Variants in AHI1 observed in about 807,000 individuals in gnomAD.
AHI1 encodes jouberin.
A neutral mutation model predicts 149.3 loss-of-function variants in AHI1; 123 were observed. The observed-to-expected ratio is 0.82, with a 90% CI of 0.71 to 0.96. The LOEUF is 0.96. AHI1 is among the 40% of genes least tolerant of loss of function. AHI1 has a pLI of 0.00. For missense variants in AHI1, 1,439 were observed against 1,422.7 expected, an observed-to-expected ratio of 1.01 and a Z score of -0.18; for synonymous variants, 475 against 459.8, an observed-to-expected ratio of 1.03 and a Z score of -0.42.
At chr6:135,489,645 A>AATCTGTCC (rs1214193213) in intron 5 of AHI1, among the ~76,000 whole-genome samples, 1 of 152,152 alleles carries the variant, frequency 6.6e-6, no homozygotes, top group African/African-American at 2.4e-5. Flanking sequence ...TGGGAGTGCT[A>AATCTGTCC]ATCTGTCCAT....
chr6:135,289,175 T>G (rs981736453), intron 28 of AHI1, among the ~76,000 whole-genome samples: 7 of 150,948 alleles, frequency 4.6e-5, no homozygotes, highest in African/African-American at 1.7e-4. Flanking sequence ...TTGAAAAAGC[T>G]CCTCTTAGAG....
rs574893403 is a variant in AHI1 at position 135,287,320 on chromosome 6, A to G, written c.3589-1673T>C. ...CTCGAAAAATCTAAAGTAGGCAGCA[A>G]AGATAACATCTTTGAGGGAAATGAT... On this transcript the variant is annotated intron_variant, in intron 28 of 28. Coordinates refer to ENST00000265602, the MANE Select transcript of AHI1 (RefSeq NM_001134831.2). Among the ~76,000 whole-genome samples, 5 of 152,238 alleles carry G rather than the reference A, an allele frequency of 3.3e-5. No homozygotes were observed. The East Asian group carries it at 7.7e-4, about 23-fold the overall frequency.
intron 24 of AHI1, among the ~76,000 whole-genome samples, chr6:135,348,964 A>T (rs1333289499): frequency 6.6e-6 from 1 of 152,168 alleles, no homozygotes; most frequent in African/African-American, 2.4e-5. Flanking sequence ...CAAATATATA[A>T]ATAATGAGAA....
chr6:135,371,932 C>T (rs1213098735), intron 23 of AHI1, among the ~76,000 whole-genome samples: 1 of 152,124 alleles, frequency 6.6e-6, no homozygotes, highest in Non-Finnish European at 1.5e-5. Context: ...GGCTTTCAGC[C>T]AGCAGAAGCT....
chr6:135,321,705 C>T (rs1165910734), intron 25 of AHI1, among the ~76,000 whole-genome samples: 2 of 152,078 alleles, frequency 1.3e-5, no homozygotes, highest in South Asian at 2.1e-4. Context: ...AGCCTGAAAA[C>T]CAATTATTAT....
intron 4 of AHI1, among the ~76,000 whole-genome samples, 173 bp downstream of exon 4, chr6:135,492,055 A>C (rs1795325841): frequency 6.6e-6 from 1 of 152,210 alleles, no homozygotes; most frequent in Non-Finnish European, 1.5e-5. Context: ...CTTAATCACA[A>C]TATTAAATAG....
chr6:135,427,732 AT>A (rs376782266), intron 19 of AHI1, among the ~76,000 whole-genome samples: 2,893 of 148,498 alleles, frequency 0.019, 103 homozygotes, highest in African/African-American at 0.067. Context: ...TAACTTTTCC[AT>A]TTTTTTTTTC....
chr6:135,471,792 C>T (rs1791740516), intron 5 of AHI1, among the ~76,000 whole-genome samples: 1 of 150,964 alleles, frequency 6.6e-6, no homozygotes, highest in African/African-American at 2.4e-5. Context: ...GCGGGTGGAT[C>T]ATGAGGTCAG....
chr6:135,341,532 T>C (rs1456265730), intron 24 of AHI1, among the ~76,000 whole-genome samples: 1 of 152,046 alleles, frequency 6.6e-6, no homozygotes, highest in Non-Finnish European at 1.5e-5. Flanking sequence ...AGAATACATA[T>C]TCTTGTCCAC....
chr6:135,416,353 C>A (rs1261633091), intron 20 of AHI1, among the ~76,000 whole-genome samples: 3 of 147,974 alleles, frequency 2.0e-5, no homozygotes, highest in Non-Finnish European at 4.5e-5. Flanking sequence ...AATAAAAATG[C>A]AAATTAGAAA....
At chr6:135,310,931 CAG>C (rs1785112903) in intron 26 of AHI1, among the ~76,000 whole-genome samples, 1 of 151,708 alleles carries the variant, frequency 6.6e-6, no homozygotes, top group African/African-American at 2.4e-5. Flanking sequence ...ATTAAAAAAA[CAG>C]ATTTTAGGAA....
Position 135,318,588 on chromosome 6 carries a change from T to C in AHI1, c.3357A>G (p.Ile1119Met). 6.2e-7 allele frequency: 1 copy of C among 1,605,420 alleles called. No individual in the cohort carries two copies. The highest frequency in any genetic ancestry group is 1.3e-5 in the African/African-American group (1 of 74,960). Residue 1119 changes from isoleucine (I) to methionine (M), a missense_variant, in exon 26 of 29, where the codon ATA becomes ATG. Transcript: ENST00000265602. ...ETLYQELPPE[I>M]KERSPPLSPE... ...GGCTTAAAGGAGGGGATCGCTCCTT[T>C]ATCTCAGGAGGCAGTTCTTGATACA...
intron 9 of AHI1, 147 bp downstream of exon 9, chr6:135,457,347 A>T: frequency 1.6e-6 from 1 of 617,966 alleles, no homozygotes; most frequent in East Asian, 2.8e-5. Context: ...ATCAATGTTA[A>T]TGACTGATGA....
At chr6:135,343,383 T>C (rs953359684) in intron 24 of AHI1, among the ~76,000 whole-genome samples, 1 of 151,910 alleles carries the variant, frequency 6.6e-6, no homozygotes, top group Non-Finnish European at 1.5e-5. Context: ...TTGCAAAGGC[T>C]GAGAAGGTGA....
At chr6:135,473,952 AC>A (rs1434769490) in intron 5 of AHI1, among the ~76,000 whole-genome samples, 1 of 152,142 alleles carries the variant, frequency 6.6e-6, no homozygotes, top group Non-Finnish European at 1.5e-5. Flanking sequence ...TAGAAACCAT[AC>A]TTCCAAGTAT....
At chr6:135,490,428 T>C in intron 5 of AHI1, 195 bp downstream of exon 5, 1 of 688,584 alleles carries the variant, frequency 1.5e-6, no homozygotes, top group Non-Finnish European at 2.5e-6. Flanking sequence ...AGGACAGCAC[T>C]CAAGAATGAA....
chr6:135,497,097 T>C (rs1796072833), intron 2 of AHI1, 91 bp downstream of exon 2: 1 of 152,236 alleles, frequency 6.6e-6, no homozygotes, highest in Non-Finnish European at 1.5e-5. Context: ...TAAGGATTCT[T>C]AAATGGTCTA....
intron 20 of AHI1, among the ~76,000 whole-genome samples, chr6:135,413,701 G>A: frequency 6.7e-6 from 1 of 150,140 alleles, no homozygotes. Flanking sequence ...TCATCTATAT[G>A]TCTATATACA....
intron 26 of AHI1, chr6:135,301,362 C>T (rs1783862360): frequency 1.0e-6 from 1 of 975,650 alleles, no homozygotes; most frequent in South Asian, 4.8e-5. Flanking sequence ...TTTCAGTAAT[C>T]CAGAAAACAT....
Sources: allele counts gnomAD v4.1 joint callset (sites outside exome capture counted in the v4.1 genomes callset), GRCh38; gene constraint gnomAD v4.1.1; transcripts MANE v1.5; gene names NCBI Gene and HGNC (gene_info 2026-07-23, HGNC 2026-07-21).